The following CACNG3 variants were observed in gnomAD, a reference collection of about 807,000 sequenced individuals.
The protein encoded by CACNG3 is voltage-dependent calcium channel gamma-3 subunit.
In CACNG3, 3 loss-of-function variants were observed where a neutral mutation model predicts 28.5. The ratio of observed to expected loss-of-function variants is 0.11; its 90% CI spans 0.05 to 0.27. The LOEUF is 0.27. CACNG3 is among the 10% of genes least tolerant of loss of function. CACNG3 has a pLI of 1.00. For synonymous variants in CACNG3, 174 were observed against 162.2 expected, an observed-to-expected ratio of 1.07 and a Z score of -0.55; for missense variants, 236 against 414.4, an observed-to-expected ratio of 0.57 and a Z score of 3.74.
At chr16:24,269,806 AGAGAAAGAAAG>A (rs1389596284) in intron 1 of CACNG3, among the ~76,000 whole-genome samples, 2 of 149,948 alleles carry the variant, frequency 1.3e-5, no homozygotes, top group East Asian at 1.9e-4. Context: ...AAAGAAAGAA[AGAGAAAGAAAG>A]GAGAAAGAAA....
chr16:24,294,099 C>T (rs185836113), intron 1 of CACNG3, among the ~76,000 whole-genome samples: 1 of 152,318 alleles, frequency 6.6e-6, no homozygotes, highest in Admixed American at 6.5e-5. Context: ...ATTCTTCCCA[C>T]AAACCTGGCG....
intron 1 of CACNG3, among the ~76,000 whole-genome samples, chr16:24,341,395 G>A (rs1899785421): frequency 6.6e-6 from 1 of 152,162 alleles, no homozygotes; most frequent in Admixed American, 6.5e-5. Flanking sequence ...TGGCGCCAAT[G>A]TGTCTCTTGT....
chr16:24,309,873 G>A (rs1899237265), intron 1 of CACNG3, among the ~76,000 whole-genome samples: 1 of 152,160 alleles, frequency 6.6e-6, no homozygotes, highest in Admixed American at 6.5e-5. Context: ...TCGGGATGAG[G>A]GCTGGACAGT....
chr16:24,296,934 C>A (rs542511034), intron 1 of CACNG3, among the ~76,000 whole-genome samples: 1 of 152,248 alleles, frequency 6.6e-6, no homozygotes, highest in East Asian at 1.9e-4. Context: ...GATCCTCAGT[C>A]CTGGCTGTGC....
At chr16:24,326,324 A>G (rs1899543041) in intron 1 of CACNG3, among the ~76,000 whole-genome samples, 1 of 152,096 alleles carries the variant, frequency 6.6e-6, no homozygotes, top group Non-Finnish European at 1.5e-5. Flanking sequence ...GGCATGCGCC[A>G]GTAGGCCCGG....
chr16:24,325,254 G>A (rs1295467492), intron 1 of CACNG3, among the ~76,000 whole-genome samples: 1 of 152,200 alleles, frequency 6.6e-6, no homozygotes, highest in Non-Finnish European at 1.5e-5. Context: ...GGACAGCAGA[G>A]GTGGGTACAT....
At chr16:24,317,567 AAAG>A (rs1899372086) in intron 1 of CACNG3, among the ~76,000 whole-genome samples, 1 of 45,672 alleles carries the variant, frequency 2.2e-5, no homozygotes, top group Non-Finnish European at 3.8e-5. Flanking sequence ...AGAAAGAAAG[AAAG>A]AAAGAAAGAA....
Position 24,316,649 on chromosome 16 carries a change from C to T in CACNG3, c.212-30085C>T, listed in dbSNP as rs78728626. ...CACAGCAGCCCCAGTTGAGACACCC[C>T]CAGACTCCACTGCACTCCCCAAAGA... On this transcript the variant is annotated intron_variant, in intron 1 of 3. Coordinates refer to ENST00000005284, the MANE Select transcript of CACNG3 (RefSeq NM_006539.4). Among the ~76,000 whole-genome samples the T allele has an allele frequency of 9.5e-3, 1,442 of 152,260 alleles. 19 individuals are homozygous for T. The highest frequency in any genetic ancestry group is 0.033 in the African/African-American group (1,375 of 41,532).
chr16:24,300,154 T>C (rs1899086317), intron 1 of CACNG3, among the ~76,000 whole-genome samples: 1 of 152,210 alleles, frequency 6.6e-6, no homozygotes, highest in African/African-American at 2.4e-5. Flanking sequence ...TTTTACTTTG[T>C]AGCATCTTCT....
chr16:24,266,660 G>A (rs1011343501), intron 1 of CACNG3, among the ~76,000 whole-genome samples: 2 of 152,206 alleles, frequency 1.3e-5, no homozygotes, highest in African/African-American at 4.8e-5. Flanking sequence ...TTTGACTAGC[G>A]TTTTGTGGGT....
intron 1 of CACNG3, among the ~76,000 whole-genome samples, chr16:24,291,889 A>G (rs1003941120): frequency 6.6e-6 from 1 of 152,198 alleles, no homozygotes; most frequent in South Asian, 2.1e-4. Flanking sequence ...CAAGGAATGA[A>G]TGGAAGATGA....
Position 24,294,407 on chromosome 16 carries a change from C to A in CACNG3, c.211+37442C>A, listed in dbSNP as rs143236225. ...GCTGCCCATGGGCTGAGGGAGAAAT[C>A]TGTCTGTTCTGATGGGCAGAAGGTC... On this transcript the variant is annotated intron_variant, in intron 1 of 3. Coordinates refer to ENST00000005284, the MANE Select transcript of CACNG3 (RefSeq NM_006539.4). Among the ~76,000 whole-genome samples, 113 of 152,290 alleles carry A rather than the reference C, an allele frequency of 7.4e-4. 1 individual carries two copies. Among genetic ancestry groups the A allele is most frequent in the African/African-American group, 2.6e-3 (109 of 41,568 alleles).
chr16:24,296,751 A>G (rs1280128295), intron 1 of CACNG3, among the ~76,000 whole-genome samples: 1 of 152,200 alleles, frequency 6.6e-6, no homozygotes, highest in African/African-American at 2.4e-5. Context: ...GGGAGAAGAG[A>G]GGGGCTGCTT....
chr16:24,312,656 A>AT (rs1161517242), intron 1 of CACNG3, among the ~76,000 whole-genome samples: 9 of 150,114 alleles, frequency 6.0e-5, no homozygotes, highest in African/African-American at 1.5e-4. Flanking sequence ...TCTCTTAAAA[A>AT]TTTTTTTTTT....
At chr16:24,306,535 C>A (rs1859199) in intron 1 of CACNG3, among the ~76,000 whole-genome samples, 1 of 151,946 alleles carries the variant, frequency 6.6e-6, no homozygotes, top group East Asian at 1.9e-4. Flanking sequence ...TCGCCCACTT[C>A]TTTGCCTCTA....
At chr16:24,315,300 C>A (rs1242098201) in intron 1 of CACNG3, among the ~76,000 whole-genome samples, 1 of 152,066 alleles carries the variant, frequency 6.6e-6, no homozygotes, top group African/African-American at 2.4e-5. Context: ...AGGGTCTCCT[C>A]CGAATCCTAG....
In CACNG3 at chr16:24,326,167, CTTTTTTCTT is replaced by C. The variant is rs1015370188; in HGVS notation, c.212-20560_212-20552del. Among the ~76,000 whole-genome samples, 22 of 92,818 alleles carry C rather than the reference CTTTTTTCTT, an allele frequency of 2.4e-4. No homozygotes were observed. The Middle Eastern group carries it at 0.03, about 128-fold the overall frequency. 60.9% of individuals were successfully genotyped at this position (92,818 alleles called of 152,430 possible). ...ATAACATTTTTCTTTTTTGTTTTTT[CTTTTTTCTT>C]TTTTTTTTTTTTGAGATGGAGTTTC... On this transcript the variant is annotated intron_variant, in intron 1 of 3. Coordinates refer to ENST00000005284, the MANE Select transcript of CACNG3 (RefSeq NM_006539.4).
At chr16:24,260,434 C>T (rs1463889339) in intron 1 of CACNG3, among the ~76,000 whole-genome samples, 2 of 152,134 alleles carry the variant, frequency 1.3e-5, no homozygotes, top group African/African-American at 4.8e-5. Context: ...TGTGTAGGTA[C>T]TATTATTACC....
At chr16:24,317,631 ACAGAAAGAAAGAAAAGAAAAGAAAG>A (rs1899385587) in intron 1 of CACNG3, among the ~76,000 whole-genome samples, 1 of 55,786 alleles carries the variant, frequency 1.8e-5, no homozygotes, top group East Asian at 5.2e-4. Flanking sequence ...AGAAAGACAG[ACAGAAAGAAAGAAAAGAAAAGAAAG>A]AAAGAAAGAA....
Sources: gnomAD v4.1 joint callset for allele counts (sites outside exome capture counted in the v4.1 genomes callset) on GRCh38, gnomAD v4.1.1 for gene constraint, MANE v1.5 for transcripts, NCBI Gene and HGNC (gene_info 2026-07-23, HGNC 2026-07-21) for gene names.